VKORC1L1: variants seen among roughly 807,000 people sequenced by gnomAD.
VKORC1L1 encodes vitamin K epoxide reductase complex subunit 1-like protein 1.
Under a neutral mutation model 18.9 loss-of-function variants are expected in VKORC1L1, and 2 were observed. The ratio of observed to expected loss-of-function variants is 0.11; its 90% confidence interval spans 0.04 to 0.33. The LOEUF is 0.33. Ranked by LOEUF, VKORC1L1 falls within the 10% of genes least tolerant of loss-of-function variation. VKORC1L1 has a pLI of 1.00. For synonymous variants in VKORC1L1, 96 were observed against 100.0 expected (o/e 0.96, Z 0.24); for missense variants, 123 against 224.1 (o/e 0.55, Z 2.88).
intron 1 of VKORC1L1, among the ~76,000 whole-genome samples, chr7:65,922,937 C>CT: frequency 6.6e-6 from 1 of 152,164 alleles, no homozygotes; most frequent in Non-Finnish European, 1.5e-5. Flanking sequence ...CTTAGTGTGT[C>CT]TTTCTTCAGT....
At chr7:65,947,777 G>C (rs1407087708) in intron 1 of VKORC1L1, among the ~76,000 whole-genome samples, 4 of 151,620 alleles carry the variant, frequency 2.6e-5, no homozygotes, top group Admixed American at 6.6e-5. Flanking sequence ...TGCAACCTCT[G>C]CTTCCAGGGT....
intron 1 of VKORC1L1, among the ~76,000 whole-genome samples, chr7:65,888,178 C>T (rs1789046921): frequency 6.6e-6 from 1 of 152,008 alleles, no homozygotes; most frequent in African/African-American, 2.4e-5. Flanking sequence ...GTCAGAGATC[C>T]CTGGAATATC....
At chr7:65,915,465 C>T (rs1244694576) in intron 1 of VKORC1L1, among the ~76,000 whole-genome samples, 1 of 149,970 alleles carries the variant, frequency 6.7e-6, no homozygotes, top group Non-Finnish European at 1.5e-5. Context: ...GGCTGGAGTG[C>T]AGTGCTGCGA....
upstream of VKORC1L1, among the ~76,000 whole-genome samples, chr7:65,870,148 G>A (rs1179104720): frequency 6.6e-6 from 1 of 151,596 alleles, no homozygotes. Flanking sequence ...TATATATGGG[G>A]GCCAGACATG....
At chr7:65,903,288 T>C (rs1365302984) in intron 1 of VKORC1L1, among the ~76,000 whole-genome samples, 1 of 151,608 alleles carries the variant, frequency 6.6e-6, no homozygotes, top group Admixed American at 6.6e-5. Flanking sequence ...TGCCTCAGCC[T>C]CCCAAGTAGC....
chr7:65,873,663 G>T, intron 1 of VKORC1L1, 98 bp downstream of exon 1: 1 of 1,237,352 alleles, frequency 8.1e-7, no homozygotes. Context: ...CCTGGGGGCG[G>T]CGGGGACCGG....
chr7:65,945,765 A>G (rs575988298), intron 1 of VKORC1L1, among the ~76,000 whole-genome samples: 1 of 152,310 alleles, frequency 6.6e-6, no homozygotes, highest in African/African-American at 2.4e-5. Flanking sequence ...AACTTTGATA[A>G]TATATTCATT....
intron 1 of VKORC1L1, among the ~76,000 whole-genome samples, chr7:65,901,760 C>T (rs1215859219): frequency 6.6e-6 from 1 of 152,106 alleles, no homozygotes; most frequent in Non-Finnish European, 1.5e-5. Flanking sequence ...GTGGAGGAGT[C>T]TCCTGAAATC....
chr7:65,915,982 A>G (rs983404964), intron 1 of VKORC1L1, among the ~76,000 whole-genome samples: 1 of 151,808 alleles, frequency 6.6e-6, no homozygotes, highest in African/African-American at 2.4e-5. Flanking sequence ...ATGGTGGTGT[A>G]TGTCTGTAAT....
At chr7:65,934,337 CA>C (rs1789906407) in intron 1 of VKORC1L1, among the ~76,000 whole-genome samples, 2 of 152,158 alleles carry the variant, frequency 1.3e-5, no homozygotes, top group Admixed American at 1.3e-4. Flanking sequence ...ATAATTAAAT[CA>C]AGCTACTTAA....
intron 1 of VKORC1L1, among the ~76,000 whole-genome samples, chr7:65,931,839 A>G (rs62470899): frequency 0.038 from 5,722 of 151,966 alleles, 168 homozygotes; most frequent in East Asian, 0.096. Context: ...ACAGGGTTTC[A>G]CCATGTTGGC....
chr7:65,867,672 C>T, the VKORC1L1 span, among the ~76,000 whole-genome samples: 39 of 152,224 alleles, frequency 2.6e-4, no homozygotes, highest in South Asian at 7.9e-3. Context: ...GGCTTCCTCA[C>T]AGCATGGTGG....
intron 2 of VKORC1L1, among the ~76,000 whole-genome samples, chr7:65,950,688 A>G (rs1373247426): frequency 2.0e-5 from 3 of 152,254 alleles, no homozygotes; most frequent in Admixed American, 2.0e-4. Flanking sequence ...AGAAAATACT[A>G]TGAAATACTA....
In VKORC1L1 at chr7:65,885,825, C is replaced by CA. The variant is rs533134279; in HGVS notation, c.194+12263dup. Among the ~76,000 whole-genome samples, 1,120 of 152,174 alleles carry CA rather than the reference C, an allele frequency of 7.4e-3. 14 individuals are homozygous for CA. Among genetic ancestry groups the CA allele is most frequent in the African/African-American group, 0.025 (1,053 of 41,506 alleles). On this transcript the variant is annotated intron_variant, in intron 1 of 2. Transcript: ENST00000360768. ...CTGATAGGGCAAATATGCTCATTTCCAAATTTTTCTTTGCTATTGTCATGA... is the reference window on the plus strand; with the variant it reads ...CTGATAGGGCAAATATGCTCATTTCCAAAATTTTTCTTTGCTATTGTCATGA...
At chr7:65,949,027 G>A (rs1790167319) in intron 2 of VKORC1L1, among the ~76,000 whole-genome samples, 2 of 152,158 alleles carry the variant, frequency 1.3e-5, no homozygotes, top group Admixed American at 6.5e-5. Flanking sequence ...CCCATTCCAG[G>A]AAATTATCAC....
chr7:65,890,543 A>G (rs1315503687), intron 1 of VKORC1L1, among the ~76,000 whole-genome samples: 1 of 152,196 alleles, frequency 6.6e-6, no homozygotes, highest in Non-Finnish European at 1.5e-5. Context: ...TGCTGGGATT[A>G]CAGACGTGAG....
chr7:65,956,584 A>G lies in VKORC1L1; in HGVS notation c.*2284A>G, dbSNP rs1384311219. On this transcript the variant is annotated 3_prime_UTR_variant, in exon 3 of 3. Coordinates refer to ENST00000360768, the MANE Select transcript of VKORC1L1 (RefSeq NM_173517.6). ...CACATTCCTATGGCCCAGTCGAATT[A>G]ATACCCTTTTTCTCACTGAGAGAGG... The G allele has an allele frequency of 6.6e-6, 1 of 152,178 alleles. No homozygotes were observed. Among genetic ancestry groups the G allele is most frequent in the African/African-American group, 2.4e-5 (1 of 41,446 alleles). 9.4% of individuals were successfully genotyped at this position (152,178 alleles called of 1,614,324 possible).
In VKORC1L1 at chr7:65,954,480, C is replaced by A; in HGVS notation, c.*180C>A. 1 of 1,092,342 alleles carries A rather than the reference C, an allele frequency of 9.2e-7. No individual in the cohort carries two copies. Among genetic ancestry groups the A allele is most frequent in the Non-Finnish European group, 1.2e-6 (1 of 811,688 alleles). 67.7% of individuals were successfully genotyped at this position (1,092,342 alleles called of 1,614,324 possible). ...GGCCCTCGCTATTTTCTGTGTCAGT[C>A]TTCATTTTAAATATGGATACAAAAA... is the stretch of plus-strand genomic sequence containing the variant. On this transcript the variant is annotated 3_prime_UTR_variant, in exon 3 of 3. Coordinates refer to ENST00000360768, the MANE Select transcript of VKORC1L1 (RefSeq NM_173517.6).
intron 1 of VKORC1L1, among the ~76,000 whole-genome samples, chr7:65,904,679 A>G (rs1023153730): frequency 6.6e-6 from 1 of 152,214 alleles, no homozygotes; most frequent in African/African-American, 2.4e-5. Context: ...TAATTAACCT[A>G]AAAGAATGCA....
Sources: gnomAD v4.1 joint callset for allele counts (sites outside exome capture counted in the v4.1 genomes callset) on GRCh38, gnomAD v4.1.1 for gene constraint, MANE v1.5 for transcripts, NCBI Gene and HGNC (gene_info 2026-07-23, HGNC 2026-07-21) for gene names.